ZNF462: variants seen among roughly 807,000 people sequenced by gnomAD.
ZNF462 encodes the protein zinc finger PBX1-interacting protein.
ZNF462 carries 10 observed loss-of-function variants against 201.9 expected under a neutral mutation model. That is an observed-to-expected ratio of 0.05 (90% CI 0.03 to 0.08). ZNF462 has a LOEUF of 0.08. Among genes scored for constraint, ZNF462 ranks in the 10% least tolerant of loss-of-function variants. The probability of loss-of-function intolerance (pLI) is 1.00; values close to 1 mark genes in which losing one functional copy is unlikely to be tolerated. For missense variants in ZNF462, 2,523 were observed against 3,168.3 expected (o/e 0.80, Z 4.89); for synonymous variants, 1,227 against 1,193.3 (o/e 1.03, Z -0.58).
Position 106,920,872 on chromosome 9 carries a change from T to G in ZNF462, c.-30-2482T>G, listed in dbSNP as rs1186775166. 2.0e-5 allele frequency among the ~76,000 whole-genome samples: 3 copies of G among 152,216 alleles called. No individual in the cohort carries two copies. The highest frequency in any genetic ancestry group is 7.2e-5 in the African/African-American group (3 of 41,458). On this transcript the variant is annotated intron_variant, in intron 1 of 12. Coordinates refer to ENST00000277225, the MANE Select transcript of ZNF462 (RefSeq NM_021224.6). The surrounding 1 kb of genome is among the most constrained non-coding windows in gnomAD (Gnocchi z 4.3). Reference sequence around the variant, plus strand: ...TGTTGTGCAAATCAGGCTCAAACTTTCCAAAAGACACACAGCAGAAAGCCT... The same window carrying G: ...TGTTGTGCAAATCAGGCTCAAACTTGCCAAAAGACACACAGCAGAAAGCCT...
intron 7 of ZNF462, among the ~76,000 whole-genome samples, chr9:106,959,337 C>G (rs1831724035): frequency 6.6e-6 from 1 of 152,112 alleles, no homozygotes; most frequent in African/African-American, 2.4e-5. Context: ...TGTCAGAGAT[C>G]CCTGTTCCAC....
At position 106,955,047 on chromosome 9, in the gene ZNF462, C is replaced by T. The variant is rs540961397; in HGVS notation, c.6427+15940C>T. Among the ~76,000 whole-genome samples the T allele has an allele frequency of 7.2e-5, 11 of 152,220 alleles. No individual in the cohort carries two copies. In the East Asian group the frequency reaches 1.9e-3, roughly 27 times the overall value. ...CCAGAGCCCCACTGTCTTCTGGCCA[C>T]GCTACTAACAACAGATAATGGACTC... On this transcript the variant is annotated intron_variant, in intron 7 of 12. Transcript: ENST00000277225.
In ZNF462 at chr9:106,966,497, T is replaced by TC. The variant is rs909867258; in HGVS notation, c.6428-5506dup. Among the ~76,000 whole-genome samples the TC allele has an allele frequency of 6.6e-6, 1 of 152,100 alleles. No individual in the cohort carries two copies. Among genetic ancestry groups the TC allele is most frequent in the African/African-American group, 2.4e-5 (1 of 41,424 alleles). ...CTCATAGTTCTCTTGACATCCCCTC[T>TC]CCATCTCTCTCACTCCCACATTCTG... On this transcript the variant is annotated intron_variant, in intron 7 of 12. Coordinates refer to ENST00000277225, the MANE Select transcript of ZNF462 (RefSeq NM_021224.6). The surrounding 1 kb of genome is among the most constrained non-coding windows in gnomAD (Gnocchi z 4.4).
chr9:106,916,759 TC>T (rs1333174873), intron 1 of ZNF462, among the ~76,000 whole-genome samples: 1 of 152,216 alleles, frequency 6.6e-6, no homozygotes, highest in African/African-American at 2.4e-5. Context: ...AGCTGGAATC[TC>T]ATTTATCATG....
rs149146089 is a variant in ZNF462 at position 106,869,769 on chromosome 9, T to A, written c.-31+6414T>A. ...AGTACTAAAGGAAGAAAAAAAAGTT[T>A]GGGTTGGGAGGGCATTGGAGAGAAG... On this transcript the variant is annotated intron_variant, in intron 1 of 12. Coordinates refer to ENST00000277225, the MANE Select transcript of ZNF462 (RefSeq NM_021224.6). Among the ~76,000 whole-genome samples the A allele has an allele frequency of 5.2e-3, 790 of 152,256 alleles. 10 individuals carry two copies. The highest frequency in any genetic ancestry group is 0.018 in the African/African-American group (753 of 41,548).
intron 7 of ZNF462, among the ~76,000 whole-genome samples, chr9:106,945,804 G>T (rs1025117143): frequency 6.6e-6 from 1 of 152,186 alleles, no homozygotes; most frequent in Non-Finnish European, 1.5e-5. Flanking sequence ...GAGCAAAGTG[G>T]CATTGAAGAC....
chr9:107,008,222 G>A lies in ZNF462; in HGVS notation c.7190-1323G>A, dbSNP rs544904341. On this transcript the variant is annotated intron_variant, in intron 11 of 12. Transcript: ENST00000277225. The surrounding 1 kb of genome is among the most constrained non-coding windows in gnomAD (Gnocchi z 4.8). ...ATAATCCCTGCTAAGGAATTAATGCGCAGAGCAGATGGTGCTGTCTCATTT... is the reference window on the plus strand; with the variant it reads ...ATAATCCCTGCTAAGGAATTAATGCACAGAGCAGATGGTGCTGTCTCATTT... 1.3e-4 allele frequency among the ~76,000 whole-genome samples: 20 copies of A among 152,278 alleles called. No homozygotes were observed. The highest frequency in any genetic ancestry group is 2.5e-4 in the Non-Finnish European group (17 of 68,022).
intron 10 of ZNF462, among the ~76,000 whole-genome samples, chr9:106,986,976 CATAGATAG>C (rs55877241): frequency 0.27 from 38,246 of 143,232 alleles, 5,135 homozygotes; most frequent in South Asian, 0.31. Flanking sequence ...AGTATTCCAT[CATAGATAG>C]ATAGATAGAT....
rs1264083630 is a variant in ZNF462, at chr9:106,962,298, T to C, written c.6428-9707T>C. Among the ~76,000 whole-genome samples, 3 of 152,050 alleles carry C rather than the reference T, an allele frequency of 2.0e-5. No individual in the cohort carries two copies. The East Asian group carries it at 5.8e-4, about 29-fold the overall frequency. On this transcript the variant is annotated intron_variant, in intron 7 of 12. Coordinates refer to ENST00000277225, the MANE Select transcript of ZNF462 (RefSeq NM_021224.6). The surrounding 1 kb of genome is among the most constrained non-coding windows in gnomAD (Gnocchi z 4.6). ...AACAGAGCTTTTGACTCATTGAATG[T>C]GTGGAATGAAAGAGAGAAATGAATC... is the stretch of plus-strand genomic sequence containing the variant.
At chr9:106,875,212 G>A (rs1827776702) in intron 1 of ZNF462, among the ~76,000 whole-genome samples, 2 of 152,042 alleles carry the variant, frequency 1.3e-5, no homozygotes, top group Admixed American at 1.3e-4. Flanking sequence ...TAGTAGAAAG[G>A]TCGTGGCAAT....
At chr9:106,936,209 A>G (rs992000286) in intron 6 of ZNF462, among the ~76,000 whole-genome samples, 1 of 152,204 alleles carries the variant, frequency 6.6e-6, no homozygotes. Context: ...GTCATCTATA[A>G]TCTTATCTGA....
At chr9:106,934,267 T>G (rs1370929139) in intron 5 of ZNF462, among the ~76,000 whole-genome samples, 4 of 148,632 alleles carry the variant, frequency 2.7e-5, no homozygotes, top group Non-Finnish European at 5.9e-5. Flanking sequence ...TCCCAGGTAG[T>G]CTGACTCCAT....
chr9:106,998,839 C>G (rs1349239809), intron 10 of ZNF462, among the ~76,000 whole-genome samples: 1 of 152,020 alleles, frequency 6.6e-6, no homozygotes. Flanking sequence ...AAACTCCTGA[C>G]CTCAAGTGAT....
At position 106,938,950 on chromosome 9, in the gene ZNF462, C is replaced by T; in HGVS notation, c.6270C>T (p.Phe2090=). 1 of 1,612,714 alleles carries T rather than the reference C, an allele frequency of 6.2e-7. No individual in the cohort carries two copies. Among genetic ancestry groups the T allele is most frequent in the Non-Finnish European group, 8.5e-7 (1 of 1,179,370 alleles). The stretch of plus-strand genomic sequence containing the variant: ...CCTACAAGTGTTCTTGGTGCTCATT[C>T]TCCACCATGACAATCAGCCAGCTGA... ...EHAYKCSWCS[F]STMTISQLKE... Residue 2090 remains phenylalanine (F), a synonymous_variant, in exon 7 of 13, where the codon TTC becomes TTT. Coordinates refer to ENST00000277225, the MANE Select transcript of ZNF462 (RefSeq NM_021224.6). This position sits in a 1 kb window ranked among gnomAD's most constrained non-coding sequence, Gnocchi z 4.4.
intron 1 of ZNF462, among the ~76,000 whole-genome samples, chr9:106,869,162 G>A (rs1291986266): frequency 6.6e-6 from 1 of 152,164 alleles, no homozygotes; most frequent in Non-Finnish European, 1.5e-5. Flanking sequence ...TTGCAACGTG[G>A]TGCAGATTTA....
Position 107,003,119 on chromosome 9 carries a change from C to T in ZNF462, c.7057-175C>T, listed in dbSNP as rs896133697. On this transcript the variant is annotated intron_variant, in intron 10 of 12. Coordinates refer to ENST00000277225, the MANE Select transcript of ZNF462 (RefSeq NM_021224.6). This position sits in a 1 kb window ranked among gnomAD's most constrained non-coding sequence, Gnocchi z 4.4. ...GATGGAATGTGGGAGCAAAGGGCTG[C>T]TCCATCTCCAAAAGAGTCAAAACGA... 2.0e-5 allele frequency among the ~76,000 whole-genome samples: 3 copies of T among 152,202 alleles called. No homozygotes were observed. The highest frequency in any genetic ancestry group is 7.2e-5 in the African/African-American group (3 of 41,458).
chr9:106,988,522 C>T (rs1235969390), intron 10 of ZNF462, among the ~76,000 whole-genome samples: 2 of 152,082 alleles, frequency 1.3e-5, no homozygotes, highest in East Asian at 3.9e-4. Context: ...GCTATCTGGG[C>T]TCTTTTTTGG....
chr9:106,940,951 T>C (rs765131876), intron 7 of ZNF462, among the ~76,000 whole-genome samples: 6 of 152,228 alleles, frequency 3.9e-5, no homozygotes, highest in Non-Finnish European at 8.8e-5. Flanking sequence ...TTTTAATTAA[T>C]TGTTTTCATC....
At chr9:106,948,767 T>C (rs1304230839) in intron 7 of ZNF462, among the ~76,000 whole-genome samples, 2 of 152,068 alleles carry the variant, frequency 1.3e-5, no homozygotes, top group African/African-American at 4.8e-5. Context: ...TTACTATAGC[T>C]TTGAAATATA....
Sources: allele counts gnomAD v4.1 joint callset (sites outside exome capture counted in the v4.1 genomes callset), GRCh38; gene constraint gnomAD v4.1.1; non-coding constraint Gnocchi (gnomAD v3.1); transcripts MANE v1.5; gene names NCBI Gene and HGNC (gene_info 2026-07-23, HGNC 2026-07-21).